Variants in CELF2 observed in about 807,000 individuals in gnomAD.
CELF2 encodes CUGBP Elav-like family member 2.
Under a neutral mutation model 62.6 loss-of-function variants are expected in CELF2, and 8 were observed. The ratio of observed to expected loss-of-function variants is 0.13; its 90% confidence interval spans 0.07 to 0.23. CELF2 has a LOEUF of 0.23. Among genes scored for constraint, CELF2 ranks in the 10% least tolerant of loss-of-function variants. The pLI is 1.00. For missense variants in CELF2, 333 were observed against 671.0 expected (o/e 0.50, Z 5.56); for synonymous variants, 258 against 250.0 (o/e 1.03, Z -0.30).
At chr10:11,322,806 A>G (rs889702563) in intron 11 of CELF2, among the ~76,000 whole-genome samples, 3 of 152,084 alleles carry the variant, frequency 2.0e-5, no homozygotes, top group African/African-American at 4.8e-5. Context: ...TGTTCAGACA[A>G]CTGGTTCCCC....
At chr10:10,720,850 A>G in the CELF2 span, among the ~76,000 whole-genome samples, 2 of 152,222 alleles carry the variant, frequency 1.3e-5, no homozygotes, top group South Asian at 2.1e-4. Flanking sequence ...TCCTTCTGCA[A>G]TTGAATTCAG....
the CELF2 span, among the ~76,000 whole-genome samples, chr10:10,489,187 A>G: frequency 1.3e-5 from 2 of 152,178 alleles, no homozygotes; most frequent in African/African-American, 4.8e-5. Context: ...CACCCTACAG[A>G]ACTTAATACT....
chr10:11,261,583 A>G (rs2080609618), intron 5 of CELF2, among the ~76,000 whole-genome samples: 2 of 152,212 alleles, frequency 1.3e-5, no homozygotes, highest in African/African-American at 4.8e-5. Context: ...AAGCACCTGG[A>G]GCCTCTCGAA....
chr10:10,462,681 T>C, the CELF2 span, among the ~76,000 whole-genome samples: 1 of 144,022 alleles, frequency 6.9e-6, no homozygotes, highest in Admixed American at 7.3e-5. Context: ...GTCTGTCTAA[T>C]GCAGTCATAA....
intron 1 of CELF2, among the ~76,000 whole-genome samples, chr10:10,901,965 A>T (rs2062969158): frequency 6.6e-6 from 1 of 152,222 alleles, no homozygotes; most frequent in South Asian, 2.1e-4. Context: ...ATGTCAAATA[A>T]GCACACAGAA....
chr10:11,001,219 A>C (rs192265541), upstream of CELF2, among the ~76,000 whole-genome samples: 7 of 152,352 alleles, frequency 4.6e-5, no homozygotes, highest in East Asian at 1.3e-3. Flanking sequence ...TAAACTTGGC[A>C]GTTCTCAGTA....
chr10:11,122,192 G>C (rs1341477695), intron 1 of CELF2, among the ~76,000 whole-genome samples: 1 of 152,038 alleles, frequency 6.6e-6, no homozygotes, highest in East Asian at 1.9e-4. Context: ...TTTGAAAATG[G>C]ATCTCTGCAG....
At chr10:10,634,198 T>C in the CELF2 span, among the ~76,000 whole-genome samples, 5 of 152,156 alleles carry the variant, frequency 3.3e-5, no homozygotes, top group Non-Finnish European at 7.4e-5. Flanking sequence ...ACATAGTACA[T>C]TTTTTATTTC....
At chr10:10,806,554 G>A (rs890492352) in intron 1 of CELF2, among the ~76,000 whole-genome samples, 13 of 152,110 alleles carry the variant, frequency 8.5e-5, no homozygotes, top group African/African-American at 3.1e-4. Context: ...GGGTGTAATG[G>A]TTGCTCCTAC....
At chr10:10,853,711 G>A (rs2132882423) in intron 1 of CELF2, among the ~76,000 whole-genome samples, 1 of 152,144 alleles carries the variant, frequency 6.6e-6, no homozygotes, top group South Asian at 2.1e-4. Context: ...GATCTTGAGA[G>A]TGGGGAGCTG....
At position 11,270,683 on chromosome 10, in the gene CELF2, C is replaced by T. The variant is rs762525404; in HGVS notation, c.636C>T (p.Ile212=). ...GACCACAGGGCTGCTCTTCACCTAT[C>T]GTGGTGAAGTTTGCTGACACTCAGA... is the stretch of plus-strand genomic sequence containing the variant. The part of the protein sequence containing the change: ...SQTMEGCSSP[I]VVKFADTQKD... Residue 212 remains isoleucine (I), a synonymous_variant, in exon 7 of 13, where the codon ATC becomes ATT. Coordinates refer to ENST00000633077, the MANE Select transcript of CELF2 (RefSeq NM_001326342.2). This position sits in a 1 kb window ranked among gnomAD's most constrained non-coding sequence, Gnocchi z 5.8. The T allele has an allele frequency of 6.6e-6, 10 of 1,511,486 alleles. No homozygotes were observed. Among genetic ancestry groups the T allele is most frequent in the South Asian group, 1.3e-5 (1 of 76,544 alleles). The allele number at this position is 1,511,486 out of a possible 1,614,324, so 93.6% of individuals were successfully genotyped here.
chr10:10,766,411 A>T, the CELF2 span, among the ~76,000 whole-genome samples: 1 of 152,082 alleles, frequency 6.6e-6, no homozygotes, highest in East Asian at 1.9e-4. Context: ...GTAGGTAGAG[A>T]CCTGCAGGGG....
chr10:10,595,860 C>A, the CELF2 span, among the ~76,000 whole-genome samples: 1 of 152,188 alleles, frequency 6.6e-6, no homozygotes, highest in South Asian at 2.1e-4. Flanking sequence ...GGCGCCACTG[C>A]ACTCCAGCCT....
At chr10:10,722,346 G>A in the CELF2 span, among the ~76,000 whole-genome samples, 3 of 151,980 alleles carry the variant, frequency 2.0e-5, no homozygotes, top group African/African-American at 2.4e-5. Context: ...AAAAAAAAAC[G>A]CTTATTAAAA....
chr10:10,465,558 TTG>T, the CELF2 span, among the ~76,000 whole-genome samples: 1 of 152,132 alleles, frequency 6.6e-6, no homozygotes, highest in Non-Finnish European at 1.5e-5. Flanking sequence ...GCTGTAATTT[TTG>T]TGTGTTTTTA....
the CELF2 span, among the ~76,000 whole-genome samples, chr10:10,745,519 C>A: frequency 6.6e-6 from 1 of 152,168 alleles, no homozygotes; most frequent in Non-Finnish European, 1.5e-5. Flanking sequence ...ACAGAGCAGC[C>A]TGTCTCCTCC....
chr10:10,511,844 A>G, the CELF2 span, among the ~76,000 whole-genome samples: 1 of 152,182 alleles, frequency 6.6e-6, no homozygotes, highest in African/African-American at 2.4e-5. Flanking sequence ...AAGGCCTGCT[A>G]CTCTTGTTTT....
the CELF2 span, among the ~76,000 whole-genome samples, chr10:10,625,182 A>G: frequency 6.2e-4 from 95 of 152,312 alleles, 1 homozygote; most frequent in South Asian, 0.019. Context: ...TTCCCTAACC[A>G]TGTAGGTATG....
the CELF2 span, among the ~76,000 whole-genome samples, chr10:10,688,593 C>T: frequency 6.6e-6 from 1 of 152,318 alleles, no homozygotes; most frequent in South Asian, 2.1e-4. Flanking sequence ...ACTCCTTGAT[C>T]ACCAGTTATT....
Sources: allele counts gnomAD v4.1 joint callset (sites outside exome capture counted in the v4.1 genomes callset), GRCh38; gene constraint gnomAD v4.1.1; non-coding constraint Gnocchi (gnomAD v3.1); transcripts MANE v1.5; gene names NCBI Gene and HGNC (gene_info 2026-07-23, HGNC 2026-07-21).